HACD2: variants seen among roughly 807,000 people sequenced by gnomAD.
The protein encoded by HACD2 is very-long-chain (3R)-3-hydroxyacyl-CoA dehydratase 2.
Under a neutral mutation model 31.0 loss-of-function variants are expected in HACD2, and 15 were observed. That is an observed-to-expected ratio of 0.48 (90% CI 0.32 to 0.75). The LOEUF (loss-of-function observed/expected upper bound fraction) is 0.75. HACD2 is among the 30% of genes least tolerant of loss of function. The pLI, the probability that HACD2 is intolerant of heterozygous loss-of-function variation, is 0.03. For synonymous variants in HACD2, 115 were observed against 122.2 expected (o/e 0.94, Z 0.39); for missense variants, 283 against 313.0 (o/e 0.90, Z 0.72).
At chr3:123,514,910 G>T (rs185181491) in intron 4 of HACD2, among the ~76,000 whole-genome samples, 1 of 152,288 alleles carries the variant, frequency 6.6e-6, no homozygotes, top group East Asian at 1.9e-4. Flanking sequence ...TATGTATAAA[G>T]AACATATTCA....
At chr3:123,523,283 C>T (rs577068655) in intron 4 of HACD2, among the ~76,000 whole-genome samples, 48 of 152,130 alleles carry the variant, frequency 3.2e-4, no homozygotes, top group African/African-American at 1.0e-3. Flanking sequence ...AAAGGAAAAC[C>T]GTGTTCTCTC....
At chr3:123,541,088 T>A (rs953649228) in intron 3 of HACD2, among the ~76,000 whole-genome samples, 1 of 152,052 alleles carries the variant, frequency 6.6e-6, no homozygotes, top group African/African-American at 2.4e-5. Flanking sequence ...CTGGCCAACA[T>A]GATGAAACCC....
intron 3 of HACD2, among the ~76,000 whole-genome samples, chr3:123,532,906 G>A (rs1023882558): frequency 2.7e-5 from 4 of 149,566 alleles, no homozygotes; most frequent in Non-Finnish European, 5.9e-5. Flanking sequence ...TAGGAATGGT[G>A]TACAGTATAA....
chr3:123,572,123 T>C (rs965509606), intron 2 of HACD2, among the ~76,000 whole-genome samples: 1 of 152,188 alleles, frequency 6.6e-6, no homozygotes, highest in Non-Finnish European at 1.5e-5. Flanking sequence ...CACTGCTTTG[T>C]TGAGGTCCAC....
intron 3 of HACD2, among the ~76,000 whole-genome samples, chr3:123,563,793 G>C (rs976472676): frequency 2.6e-5 from 4 of 152,036 alleles, no homozygotes; most frequent in African/African-American, 4.8e-5. Context: ...AACAAAGACA[G>C]GAAACCTTCT....
chr3:123,542,410 G>A (rs1363563657), intron 3 of HACD2, among the ~76,000 whole-genome samples: 3 of 152,140 alleles, frequency 2.0e-5, no homozygotes, highest in Non-Finnish European at 4.4e-5. Context: ...CTGGTACTAT[G>A]TTGAAACAAC....
rs889707373 is a variant in HACD2 at position 123,584,751 on chromosome 3, C to T, written c.155+122G>A. 2.1e-5 allele frequency: 16 copies of T among 748,968 alleles called. No homozygotes were observed. The African/African-American group carries it at 2.4e-4, about 11-fold the overall frequency. The allele number at this position is 748,968 out of a possible 1,614,324, so 46.4% of individuals were successfully genotyped here. On this transcript the variant is annotated intron_variant, in intron 1 of 6. Coordinates refer to ENST00000383657, the MANE Select transcript of HACD2 (RefSeq NM_198402.5). ...CAGCGCCCAGGTACCGGGTCCCGGG[C>T]ACCCCCCGCCGGGAATGCACTGCCT...
chr3:123,557,349 G>A lies in HACD2; in HGVS notation c.292+10413C>T, dbSNP rs1031484856. Among the ~76,000 whole-genome samples, 8 of 152,186 alleles carry A rather than the reference G, an allele frequency of 5.3e-5. No individual in the cohort carries two copies. In the East Asian group the frequency reaches 1.2e-3, roughly 22 times the overall value. ...AGTCCATGGAAAAAATGTCTTTCAC[G>A]AAACCAGTCCCTGGTGCCAAAGAGG... is the stretch of plus-strand genomic sequence containing the variant. On this transcript the variant is annotated intron_variant, in intron 3 of 6. Transcript: ENST00000383657.
chr3:123,497,811 T>C (rs2055852556), intron 6 of HACD2, among the ~76,000 whole-genome samples: 1 of 152,170 alleles, frequency 6.6e-6, no homozygotes, highest in Non-Finnish European at 1.5e-5. Flanking sequence ...CAATTTAGGC[T>C]ATGTGTGCAA....
At chr3:123,565,551 C>G (rs532998336) in intron 3 of HACD2, among the ~76,000 whole-genome samples, 1 of 152,284 alleles carries the variant, frequency 6.6e-6, no homozygotes, top group African/African-American at 2.4e-5. Flanking sequence ...CCACCTTGAT[C>G]TTGGAATTCC....
In HACD2 at chr3:123,544,140, G is replaced by A. The variant is rs540781466; in HGVS notation, c.293-15666C>T. Reference sequence around the variant, plus strand: ...GGTGGTGGCAGTGGTGGCGTTCCCCGAGTAGGAGGCCCACAGAACATGGAA... The same window carrying A: ...GGTGGTGGCAGTGGTGGCGTTCCCCAAGTAGGAGGCCCACAGAACATGGAA... On this transcript the variant is annotated intron_variant, in intron 3 of 6. Transcript: ENST00000383657. Among the ~76,000 whole-genome samples, 70 of 152,256 alleles carry A rather than the reference G, an allele frequency of 4.6e-4. 1 individual carries two copies. Among genetic ancestry groups the A allele is most frequent in the Middle Eastern group, 3.4e-3 (1 of 294 alleles).
chr3:123,577,930 G>C (rs2332646), intron 2 of HACD2, among the ~76,000 whole-genome samples: 37,852 of 152,022 alleles, frequency 0.25, 6,360 homozygotes, highest in East Asian at 0.6. Flanking sequence ...GTACAATCTA[G>C]TGGTTTTTAA....
rs1711343475 is a variant in HACD2, at chr3:123,491,670, TAGA to T, written c.*3215_*3217del. ...TAAAAACAGCTTTCAAATGCATGCA[TAGA>T]AAGTTAAGCGTAGTCTCTGGACTCC... On this transcript the variant is annotated 3_prime_UTR_variant, in exon 7 of 7. Coordinates refer to ENST00000383657, the MANE Select transcript of HACD2 (RefSeq NM_198402.5). 6.6e-6 allele frequency: 1 copy of T among 152,644 alleles called. No individual in the cohort carries two copies. 9.5% of individuals were successfully genotyped at this position (152,644 alleles called of 1,614,324 possible).
At chr3:123,554,956 T>C (rs911682515) in intron 3 of HACD2, among the ~76,000 whole-genome samples, 3 of 152,200 alleles carry the variant, frequency 2.0e-5, no homozygotes, top group African/African-American at 7.2e-5. Context: ...GCTAAAGCAA[T>C]TGCTATAGAA....
intron 3 of HACD2, among the ~76,000 whole-genome samples, chr3:123,556,320 C>G (rs2056672186): frequency 1.3e-5 from 2 of 151,936 alleles, no homozygotes; most frequent in South Asian, 4.2e-4. Flanking sequence ...GCCTGTAGTC[C>G]CAGCTGCTTG....
intron 3 of HACD2, among the ~76,000 whole-genome samples, chr3:123,532,251 T>C (rs2056371566): frequency 6.6e-6 from 1 of 152,184 alleles, no homozygotes; most frequent in Non-Finnish European, 1.5e-5. Flanking sequence ...CTCGCCTACT[T>C]AGACACCTTA....
At chr3:123,524,618 G>C (rs2056256177) in intron 4 of HACD2, among the ~76,000 whole-genome samples, 1 of 152,224 alleles carries the variant, frequency 6.6e-6, no homozygotes, top group Non-Finnish European at 1.5e-5. Context: ...CCATAGGGGA[G>C]TGAGAGAAGT....
chr3:123,566,314 C>A (rs1351920372), intron 3 of HACD2, among the ~76,000 whole-genome samples: 1 of 151,902 alleles, frequency 6.6e-6, no homozygotes, highest in African/African-American at 2.4e-5. Flanking sequence ...TAAACAGAGA[C>A]TCACTCGTTT....
chr3:123,538,274 T>C (rs926007107), intron 3 of HACD2, among the ~76,000 whole-genome samples: 6 of 152,168 alleles, frequency 3.9e-5, no homozygotes, highest in African/African-American at 1.4e-4. Context: ...CAAAAGAAAT[T>C]TGTCTTAGAC....
Sources: gnomAD v4.1 joint callset for allele counts (sites outside exome capture counted in the v4.1 genomes callset) on GRCh38, gnomAD v4.1.1 for gene constraint, MANE v1.5 for transcripts, NCBI Gene and HGNC (gene_info 2026-07-23, HGNC 2026-07-21) for gene names.